Variants in ZNF492 observed in about 807,000 individuals in gnomAD.
The protein encoded by ZNF492 is zinc finger protein 492, also known as zinc finger protein 115 (Y20).
In ZNF492, 3 loss-of-function variants were observed where a neutral mutation model predicts 6.4. The observed-to-expected ratio is 0.47, with a 90% CI of 0.21 to 1.22. The LOEUF (loss-of-function observed/expected upper bound fraction) is 1.22, where lower values mean the gene tolerates loss of function less well. Among genes scored for constraint, ZNF492 ranks in the 50% most tolerant of loss-of-function variants. The pLI is 0.22. For synonymous variants in ZNF492, 112 were observed against 205.3 expected (o/e 0.55, Z 3.89); for missense variants, 356 against 612.5 (o/e 0.58, Z 4.42).
intron 3 of ZNF492, among the ~76,000 whole-genome samples, chr19:22,658,861 T>TAAA (rs1972024349): frequency 7.0e-6 from 1 of 142,986 alleles, no homozygotes; most frequent in Non-Finnish European, 1.5e-5. Flanking sequence ...TCTATTTTAT[T>TAAA]AGTCTACTTT....
rs1456912514 is a variant in ZNF492 at position 22,655,818 on chromosome 19, T to G, written c.130+1803T>G. Among the ~76,000 whole-genome samples, 146 of 100,860 alleles carry G rather than the reference T, an allele frequency of 1.4e-3. 2 individuals carry two copies. The highest frequency in any genetic ancestry group is 2.4e-3 in the Non-Finnish European group (122 of 50,912). 66.2% of individuals were successfully genotyped at this position (100,860 alleles called of 152,430 possible). A position where few individuals can be genotyped will look rare whatever the true frequency, so the allele number is the denominator to read the frequency against. On this transcript the variant is annotated intron_variant, in intron 3 of 3. Transcript: ENST00000456783. Reference sequence around the variant, plus strand: ...CACCTCTTCAAGTTTTTCTTGTTGTTTTTTTTTTTTTTTTTTTTTTTTTTG... The same window carrying G: ...CACCTCTTCAAGTTTTTCTTGTTGTGTTTTTTTTTTTTTTTTTTTTTTTTG...
chr19:22,656,240 C>T (rs1480603141), intron 3 of ZNF492, among the ~76,000 whole-genome samples: 1 of 148,076 alleles, frequency 6.8e-6, no homozygotes, highest in Non-Finnish European at 1.5e-5. Flanking sequence ...TTTACAAAGG[C>T]TGCTGGGTCT....
At chr19:22,655,843 G>A (rs956249394) in intron 3 of ZNF492, among the ~76,000 whole-genome samples, 1 of 22,568 alleles carries the variant, frequency 4.4e-5, no homozygotes, top group East Asian at 1.4e-3. Flanking sequence ...TTTTTTTTTT[G>A]AGACAGCGTC....
At chr19:22,645,198 C>T (rs1370481866) in intron 1 of ZNF492, among the ~76,000 whole-genome samples, 1 of 152,006 alleles carries the variant, frequency 6.6e-6, no homozygotes, top group Non-Finnish European at 1.5e-5. Context: ...AGATACCCAC[C>T]ACCACGCCCA....
At chr19:22,640,524 G>C (rs1252756927) in intron 1 of ZNF492, among the ~76,000 whole-genome samples, 2 of 152,184 alleles carry the variant, frequency 1.3e-5, no homozygotes, top group Non-Finnish European at 2.9e-5. Flanking sequence ...AGTTGGTTAG[G>C]TTTTTGATGT....
chr19:22,662,936 T>C (rs2145262876), intron 3 of ZNF492, among the ~76,000 whole-genome samples: 1 of 152,356 alleles, frequency 6.6e-6, no homozygotes, highest in East Asian at 1.9e-4. Flanking sequence ...CTCTTTAGTT[T>C]AATTAGATCC....
At chr19:22,636,534 G>T (rs1365177839) in intron 1 of ZNF492, among the ~76,000 whole-genome samples, 1 of 151,240 alleles carries the variant, frequency 6.6e-6, no homozygotes, top group South Asian at 2.1e-4. Flanking sequence ...GTGTGTGTGT[G>T]TGTGTGTGTG....
At chr19:22,661,882 C>G (rs1400900896) in intron 3 of ZNF492, among the ~76,000 whole-genome samples, 2 of 152,116 alleles carry the variant, frequency 1.3e-5, no homozygotes, top group Non-Finnish European at 2.9e-5. Flanking sequence ...AGGTTTGAAC[C>G]ACCAAACTCC....
intron 1 of ZNF492, among the ~76,000 whole-genome samples, chr19:22,652,642 C>T (rs1245539418): frequency 6.6e-6 from 1 of 150,612 alleles, no homozygotes; most frequent in African/African-American, 2.4e-5. Context: ...TGCAGTGGCG[C>T]GATTTCAGCT....
intron 1 of ZNF492, among the ~76,000 whole-genome samples, chr19:22,645,523 A>G (rs949923854): frequency 6.6e-6 from 1 of 152,040 alleles, no homozygotes; most frequent in Non-Finnish European, 1.5e-5. Context: ...TCTTTAGTTT[A>G]ATTAGCTCTT....
chr19:22,644,366 G>C (rs1456852884), intron 1 of ZNF492, among the ~76,000 whole-genome samples: 1 of 151,784 alleles, frequency 6.6e-6, no homozygotes, highest in African/African-American at 2.4e-5. Flanking sequence ...CATCTTCTAG[G>C]TGCCCTCCCC....
chr19:22,636,229 A>T (rs984243648), intron 1 of ZNF492, among the ~76,000 whole-genome samples: 22 of 151,760 alleles, frequency 1.4e-4, no homozygotes, highest in African/African-American at 5.3e-4. Context: ...CCTCCCAAGT[A>T]GCTGGGATTA....
At chr19:22,647,727 G>GTT (rs71180575) in intron 1 of ZNF492, among the ~76,000 whole-genome samples, 1,343 of 92,540 alleles carry the variant, frequency 0.015, 74 homozygotes, top group Middle Eastern at 0.018. Flanking sequence ...AGCTCTTTTA[G>GTT]TTTTTTTTTT....
chr19:22,643,294 A>T (rs564283070), intron 1 of ZNF492, among the ~76,000 whole-genome samples: 84 of 152,272 alleles, frequency 5.5e-4, no homozygotes, highest in Non-Finnish European at 1.0e-3. Flanking sequence ...AAAATAAAAA[A>T]AATAAATAAG....
chr19:22,654,646 G>T (rs1447411349), intron 3 of ZNF492, among the ~76,000 whole-genome samples: 1 of 147,508 alleles, frequency 6.8e-6, no homozygotes, highest in Non-Finnish European at 1.5e-5. Flanking sequence ...CTGTCACCCA[G>T]GCTGGAGTGC....
chr19:22,651,850 T>TAATAAC (rs958641213), intron 1 of ZNF492, among the ~76,000 whole-genome samples: 1 of 151,930 alleles, frequency 6.6e-6, no homozygotes, highest in Non-Finnish European at 1.5e-5. Context: ...AGTTTAAAAA[T>TAATAAC]AATAATAATT....
chr19:22,634,896 C>T lies in ZNF492; in HGVS notation c.-94+422C>T, dbSNP rs760990029. On this transcript the variant is annotated intron_variant, in intron 1 of 3. Transcript: ENST00000456783. ...TATTAAAAATTTATGGGAGTTATCG[C>T]GAAAATACTTAAAAATTTAAGCAAG... 8.5e-5 allele frequency among the ~76,000 whole-genome samples: 13 copies of T among 152,062 alleles called. 1 individual carries two copies. In the South Asian group the frequency reaches 1.2e-3, roughly 15 times the overall value.
intron 1 of ZNF492, among the ~76,000 whole-genome samples, chr19:22,653,062 T>A (rs1281583558): frequency 6.6e-6 from 1 of 150,712 alleles, no homozygotes; most frequent in East Asian, 1.9e-4. Context: ...CTCAATTTTA[T>A]ACTTCATCAT....
rs536978035 is a variant in ZNF492, at chr19:22,653,484, T to G, written c.34+51T>G. 21 of 1,582,620 alleles carry G rather than the reference T, an allele frequency of 1.3e-5. No individual in the cohort carries two copies. The South Asian group carries it at 1.9e-4, about 14-fold the overall frequency. ...CCCTAATATACCCTATAAATTTTAT[T>G]TCTCTTTTTTGTAGAATGGTTTTTG... On this transcript the variant is annotated intron_variant, in intron 2 of 3. Transcript: ENST00000456783.
Sources: gnomAD v4.1 joint callset for allele counts (sites outside exome capture counted in the v4.1 genomes callset) on GRCh38, gnomAD v4.1.1 for gene constraint, MANE v1.5 for transcripts, NCBI Gene and HGNC (gene_info 2026-07-23, HGNC 2026-07-21) for gene names.